MAGI2: variants seen among roughly 807,000 people sequenced by gnomAD.
MAGI2 encodes the protein membrane associated guanylate kinase, WW and PDZ domain containing 2.
A neutral mutation model predicts 133.3 loss-of-function variants in MAGI2; 35 were observed. The observed-to-expected ratio is 0.26, with a 90% CI of 0.20 to 0.35. The LOEUF is 0.35. Among genes scored for constraint, MAGI2 ranks in the 10% least tolerant of loss-of-function variants. The pLI, the probability that MAGI2 is intolerant of heterozygous loss-of-function variation, is 1.00. For synonymous variants in MAGI2, 729 were observed against 710.6 expected, an observed-to-expected ratio of 1.03 and a Z score of -0.41; for missense variants, 1,636 against 1,863.4, an observed-to-expected ratio of 0.88 and a Z score of 2.25.
At chr7:78,511,884 A>G (rs1487826937) in intron 4 of MAGI2, among the ~76,000 whole-genome samples, 1 of 151,620 alleles carries the variant, frequency 6.6e-6, no homozygotes, top group Non-Finnish European at 1.5e-5. Flanking sequence ...TCACAAAGTC[A>G]GGAGATCGAG....
intron 1 of MAGI2, among the ~76,000 whole-genome samples, chr7:79,010,089 TTG>T (rs1807894767): frequency 6.6e-6 from 1 of 152,072 alleles, no homozygotes; most frequent in South Asian, 2.1e-4. Flanking sequence ...ACATATATTT[TTG>T]TGTATGTATA....
At chr7:78,652,029 A>G (rs892716432) in intron 2 of MAGI2, among the ~76,000 whole-genome samples, 1 of 152,190 alleles carries the variant, frequency 6.6e-6, no homozygotes, top group African/African-American at 2.4e-5. Context: ...CTCCATGTGA[A>G]GAAAATTTAG....
intron 9 of MAGI2, among the ~76,000 whole-genome samples, chr7:78,313,749 A>C (rs1021127048): frequency 6.6e-6 from 1 of 152,136 alleles, no homozygotes; most frequent in Non-Finnish European, 1.5e-5. Flanking sequence ...TCTGCTAAGC[A>C]ACATTTCTTT....
chr7:79,345,127 G>C (rs1256198990), intron 1 of MAGI2, among the ~76,000 whole-genome samples: 1 of 151,978 alleles, frequency 6.6e-6, no homozygotes, highest in Non-Finnish European at 1.5e-5. Context: ...ACCCTGTTGG[G>C]AAACAGGATC....
intron 2 of MAGI2, among the ~76,000 whole-genome samples, chr7:78,823,455 C>A (rs1197804392): frequency 6.6e-6 from 1 of 151,714 alleles, no homozygotes; most frequent in Non-Finnish European, 1.5e-5. Context: ...TGGTGGCGGG[C>A]GCCTGTAGTC....
At chr7:79,376,816 T>TTGTGTGTGTGTGTGTG (rs140364258) in intron 1 of MAGI2, among the ~76,000 whole-genome samples, 1 of 79,874 alleles carries the variant, frequency 1.3e-5, no homozygotes, top group South Asian at 5.0e-4. Flanking sequence ...AAGAGAGGAT[T>TTGTGTGTGTGTGTGTG]TGTGTGTGTG....
chr7:79,345,091 C>T (rs1412127611), intron 1 of MAGI2, among the ~76,000 whole-genome samples: 1 of 152,000 alleles, frequency 6.6e-6, no homozygotes, highest in Admixed American at 6.6e-5. Context: ...ATGTTGAAGT[C>T]CCAACTCCAA....
chr7:78,506,082 T>C (rs1017523961), intron 4 of MAGI2, among the ~76,000 whole-genome samples: 5 of 152,202 alleles, frequency 3.3e-5, no homozygotes, highest in East Asian at 1.9e-4. Context: ...AAGATCTCCT[T>C]AACTATTCTG....
intron 20 of MAGI2, among the ~76,000 whole-genome samples, chr7:78,080,686 C>T (rs1207343610): frequency 1.3e-5 from 2 of 152,210 alleles, no homozygotes; most frequent in South Asian, 2.1e-4. Flanking sequence ...TACTAAACAT[C>T]GTCACCTCAT....
intron 1 of MAGI2, among the ~76,000 whole-genome samples, chr7:79,408,747 G>A (rs1015781675): frequency 3.6e-5 from 5 of 137,468 alleles, no homozygotes; most frequent in Non-Finnish European, 6.1e-5. Context: ...AAAAAGAGAT[G>A]GGGGGGTCAG....
intron 6 of MAGI2, among the ~76,000 whole-genome samples, chr7:78,403,517 T>C (rs1797095310): frequency 6.6e-6 from 1 of 152,326 alleles, no homozygotes; most frequent in African/African-American, 2.4e-5. Flanking sequence ...ATATACCCAG[T>C]AATTGGATGG....
At chr7:78,376,708 A>G (rs901413650) in intron 6 of MAGI2, among the ~76,000 whole-genome samples, 3 of 152,134 alleles carry the variant, frequency 2.0e-5, no homozygotes, top group East Asian at 3.9e-4. Context: ...TCAGAATACT[A>G]TCTGGAGAAA....
At chr7:78,640,494 C>T (rs1039840897) in intron 2 of MAGI2, among the ~76,000 whole-genome samples, 4 of 152,050 alleles carry the variant, frequency 2.6e-5, no homozygotes, top group African/African-American at 9.7e-5. Context: ...AGTGAGTTAT[C>T]AAAATAAATA....
In MAGI2 at chr7:78,688,749, GA is replaced by G. The variant is rs1393647466; in HGVS notation, c.419-61511del. 3.3e-5 allele frequency among the ~76,000 whole-genome samples: 5 copies of G among 152,304 alleles called. No individual in the cohort carries two copies. In the East Asian group the frequency reaches 9.6e-4, roughly 29 times the overall value. On this transcript the variant is annotated intron_variant, in intron 2 of 21. Transcript: ENST00000354212. ...TATCCCCAACATGGCTAAGAAGTATGAATAGAAATAAATGCTAATACAAGAT... is the reference window on the plus strand; with the variant it reads ...TATCCCCAACATGGCTAAGAAGTATGATAGAAATAAATGCTAATACAAGAT...
intron 2 of MAGI2, among the ~76,000 whole-genome samples, chr7:78,765,814 C>A (rs1824965033): frequency 6.6e-6 from 1 of 151,778 alleles, no homozygotes; most frequent in South Asian, 2.1e-4. Context: ...GAAAAAAACC[C>A]AAAACACCCG....
intron 1 of MAGI2, among the ~76,000 whole-genome samples, chr7:79,104,741 C>T (rs1016601202): frequency 1.3e-5 from 2 of 151,942 alleles, no homozygotes; most frequent in African/African-American, 4.8e-5. Flanking sequence ...TAGGGAATAA[C>T]CAAGCAGCCA....
At chr7:78,486,837 C>T in intron 6 of MAGI2, 1 of 473,286 alleles carries the variant, frequency 2.1e-6, no homozygotes, top group East Asian at 5.8e-5. Context: ...CTGAGCTCGA[C>T]AGAAAGACAG....
intron 1 of MAGI2, among the ~76,000 whole-genome samples, chr7:79,012,718 AC>A: frequency 6.6e-6 from 1 of 152,164 alleles, no homozygotes; most frequent in South Asian, 2.1e-4. Context: ...TCATTTCTGG[AC>A]CTCATTTTTT....
At chr7:78,083,387 G>GGGGGAGA (rs1816229903) in intron 20 of MAGI2, among the ~76,000 whole-genome samples, 1 of 33,308 alleles carries the variant, frequency 3.0e-5, no homozygotes, top group African/African-American at 1.3e-4. Context: ...AGGGAGGGGG[G>GGGGGAGA]GAGAGAGAGA....
Sources: gnomAD v4.1 joint callset for allele counts (sites outside exome capture counted in the v4.1 genomes callset) on GRCh38, gnomAD v4.1.1 for gene constraint, MANE v1.5 for transcripts, NCBI Gene and HGNC (gene_info 2026-07-23, HGNC 2026-07-21) for gene names.